Variants in CHMP4B observed in about 807,000 individuals in gnomAD.
CHMP4B encodes the protein charged multivesicular body protein 4B.
In CHMP4B, 1 loss-of-function variant was observed where a neutral mutation model predicts 25.1. The observed-to-expected ratio is 0.04, with a 90% CI of 0.01 to 0.19. The LOEUF (loss-of-function observed/expected upper bound fraction) is 0.19. Ranked by LOEUF, CHMP4B falls within the 10% of genes least tolerant of loss-of-function variation. The pLI, the probability that CHMP4B is intolerant of heterozygous loss-of-function variation, is 1.00. For missense variants in CHMP4B, 151 were observed against 289.7 expected (o/e 0.52, Z 3.48); for synonymous variants, 101 against 115.6 (o/e 0.87, Z 0.81).
At chr20:33,840,471 A>G (rs1242981057) in intron 1 of CHMP4B, among the ~76,000 whole-genome samples, 1 of 152,174 alleles carries the variant, frequency 6.6e-6, no homozygotes, top group African/African-American at 2.4e-5. Context: ...CAGAGATGTG[A>G]AATAACTTAC....
In CHMP4B at chr20:33,853,537, G is replaced by A; in HGVS notation, c.652G>A (p.Glu218Lys). Residue 218 changes from glutamate (E) to lysine (K), a missense_variant, in exon 5 of 5, where the codon GAG (glutamate) becomes AAG (lysine). Physicochemically the swap from Glu to Lys is moderately conservative, Grantham distance 56 (BLOSUM62 1). Transcript: ENST00000217402. Reference protein sequence around the residue: ...EEEDDDMKELENWAGSM With the variant: ...EEEDDDMKELKNWAGSM ...GGAGGACGACGACATGAAGGAATTG[G>A]AGAACTGGGCTGGATCCATGTAATG... is the stretch of plus-strand genomic sequence containing the variant. 6.2e-7 allele frequency: 1 copy of A among 1,613,944 alleles called. No individual in the cohort carries two copies. The highest frequency in any genetic ancestry group is 8.5e-7 in the Non-Finnish European group (1 of 1,179,970).
rs1233424781 is a variant in CHMP4B, at chr20:33,842,521, G to A, written c.191-5946G>A. On this transcript the variant is annotated intron_variant, in intron 1 of 4. Coordinates refer to ENST00000217402, the MANE Select transcript of CHMP4B (RefSeq NM_176812.5). ...TGAGTGATTGCTGGAGGCAGGCAAA[G>A]TGGGGCCCCCTCAGCCTTGCTCGGC... 4.6e-5 allele frequency among the ~76,000 whole-genome samples: 7 copies of A among 152,232 alleles called. No individual in the cohort carries two copies. The South Asian group carries it at 1.0e-3, about 22-fold the overall frequency.
chr20:33,853,281 G>A (rs190306319), intron 4 of CHMP4B, among the ~76,000 whole-genome samples: 186 of 152,260 alleles, frequency 1.2e-3, no homozygotes, highest in African/African-American at 4.1e-3. Flanking sequence ...TGCTGGAGGC[G>A]GAGGGTGGGT....
chr20:33,842,985 C>T (rs955424130), intron 1 of CHMP4B, among the ~76,000 whole-genome samples: 5 of 152,178 alleles, frequency 3.3e-5, no homozygotes, highest in African/African-American at 1.2e-4. Flanking sequence ...TCAGAGAAGT[C>T]GTGTTTGACT....
At chr20:33,822,081 T>C (rs1442503508) in intron 1 of CHMP4B, among the ~76,000 whole-genome samples, 1 of 151,918 alleles carries the variant, frequency 6.6e-6, no homozygotes, top group African/African-American at 2.4e-5. Flanking sequence ...CACCTTGGCC[T>C]CCTAAGGTTT....
At chr20:33,813,354 A>G (rs1601313742) in intron 1 of CHMP4B, among the ~76,000 whole-genome samples, 1 of 152,076 alleles carries the variant, frequency 6.6e-6, no homozygotes, top group African/African-American at 2.4e-5. Flanking sequence ...AAGTGGATGG[A>G]AAGTTTTTGG....
chr20:33,824,431 G>A (rs1442373428), intron 1 of CHMP4B, among the ~76,000 whole-genome samples: 1 of 152,222 alleles, frequency 6.6e-6, no homozygotes, highest in Non-Finnish European at 1.5e-5. Context: ...CAAGGTTGGG[G>A]TTGGGGTGTG....
At chr20:33,837,963 G>A (rs531257605) in intron 1 of CHMP4B, among the ~76,000 whole-genome samples, 2 of 152,164 alleles carry the variant, frequency 1.3e-5, no homozygotes, top group African/African-American at 2.4e-5. Flanking sequence ...CACCTAATCC[G>A]CCCTTCTTGT....
intron 1 of CHMP4B, among the ~76,000 whole-genome samples, chr20:33,817,010 T>C (rs1247061016): frequency 6.6e-6 from 1 of 152,194 alleles, no homozygotes; most frequent in Non-Finnish European, 1.5e-5. Context: ...CATGAGCATA[T>C]GTGAAGACAC....
At chr20:33,847,751 G>A (rs1458461843) in intron 1 of CHMP4B, among the ~76,000 whole-genome samples, 8 of 152,166 alleles carry the variant, frequency 5.3e-5, no homozygotes, top group Admixed American at 1.3e-4. Flanking sequence ...GGATGCTGTA[G>A]TAGCCATCTT....
intron 1 of CHMP4B, among the ~76,000 whole-genome samples, chr20:33,819,026 C>T (rs978663280): frequency 6.6e-6 from 1 of 152,158 alleles, no homozygotes; most frequent in South Asian, 2.1e-4. Context: ...TATCCTGCCT[C>T]AGCCTCCCGA....
chr20:33,830,553 A>G (rs1189830955), intron 1 of CHMP4B, among the ~76,000 whole-genome samples: 1 of 152,138 alleles, frequency 6.6e-6, no homozygotes, highest in Non-Finnish European at 1.5e-5. Context: ...GTGTCCTCAC[A>G]TGGCCTTTCT....
intron 1 of CHMP4B, among the ~76,000 whole-genome samples, chr20:33,812,388 A>G: frequency 6.6e-6 from 1 of 151,802 alleles, no homozygotes; most frequent in East Asian, 1.9e-4. Context: ...CCTTCACCCC[A>G]TGACTCACCG....
chr20:33,820,853 A>G (rs1456030735), intron 1 of CHMP4B, among the ~76,000 whole-genome samples: 3 of 152,228 alleles, frequency 2.0e-5, no homozygotes, highest in South Asian at 2.1e-4. Context: ...TTAAAAAAGT[A>G]CTTTATTTGA....
chr20:33,831,700 C>T (rs1008025794), intron 1 of CHMP4B, among the ~76,000 whole-genome samples: 5 of 152,250 alleles, frequency 3.3e-5, no homozygotes, highest in African/African-American at 1.2e-4. Context: ...CTCAGTGTTT[C>T]AGTGTCTGGT....
chr20:33,840,536 C>A (rs1475073845), intron 1 of CHMP4B, among the ~76,000 whole-genome samples: 1 of 152,174 alleles, frequency 6.6e-6, no homozygotes, highest in African/African-American at 2.4e-5. Context: ...TACCAAGCCT[C>A]ATATTCTTTT....
chr20:33,812,504 A>T (rs541018730), intron 1 of CHMP4B, among the ~76,000 whole-genome samples: 2 of 152,290 alleles, frequency 1.3e-5, no homozygotes, highest in African/African-American at 4.8e-5. Context: ...TGCTTACTTT[A>T]CTTCCTGTTG....
At chr20:33,850,919 G>A (rs368007253) in intron 2 of CHMP4B, 33 bp from the exon 3 acceptor site, 33 of 1,497,122 alleles carry the variant, frequency 2.2e-5, no homozygotes, top group Admixed American at 5.0e-5. Context: ...CAGCCTAATC[G>A]ATTGATATGA....
intron 1 of CHMP4B, among the ~76,000 whole-genome samples, chr20:33,845,386 G>T (rs1015756231): frequency 2.6e-5 from 4 of 151,058 alleles, no homozygotes; most frequent in African/African-American, 7.3e-5. Context: ...TCAGTGGCAC[G>T]GTCTCAGCTC....
Sources: gnomAD v4.1 joint callset for allele counts (sites outside exome capture counted in the v4.1 genomes callset) on GRCh38, gnomAD v4.1.1 for gene constraint, MANE v1.5 for transcripts, NCBI Gene and HGNC (gene_info 2026-07-23, HGNC 2026-07-21) for gene names.